The following AHCYL1 variants were observed in gnomAD, a reference collection of about 807,000 sequenced individuals.
The protein encoded by AHCYL1 is S-adenosylhomocysteine hydrolase-like protein 1.
A neutral mutation model predicts 79.3 loss-of-function variants in AHCYL1; 20 were observed. The ratio of observed to expected loss-of-function variants is 0.25; its 90% confidence interval spans 0.18 to 0.37. The LOEUF is 0.37. Ranked by LOEUF, AHCYL1 falls within the 10% of genes least tolerant of loss-of-function variation. AHCYL1 has a pLI of 1.00. For synonymous variants in AHCYL1, 223 were observed against 242.2 expected (o/e 0.92, Z 0.74); for missense variants, 330 against 673.6 (o/e 0.49, Z 5.65).
At chr1:109,995,207 T>C (rs575924993) in intron 1 of AHCYL1, among the ~76,000 whole-genome samples, 2 of 152,312 alleles carry the variant, frequency 1.3e-5, no homozygotes, top group South Asian at 4.1e-4. Flanking sequence ...CTACCTAGTT[T>C]ATAATTAGGA....
At position 110,023,402 on chromosome 1, in the gene AHCYL1, A is replaced by G. The variant is rs542943252; in HGVS notation, c.*1722A>G. 1 of 152,746 alleles carries G rather than the reference A, an allele frequency of 6.5e-6. No homozygotes were observed. The highest frequency in any genetic ancestry group is 1.9e-4 in the East Asian group (1 of 5,182). 9.5% of individuals were successfully genotyped at this position (152,746 alleles called of 1,614,324 possible). On this transcript the variant is annotated 3_prime_UTR_variant, in exon 17 of 17. Transcript: ENST00000369799. ...TCGGGCACTTAACCAACCAATCAGA[A>G]CACCACATCTGTTAGGGGAGGTAAC...
chr1:109,997,884 T>C (rs1325952526), intron 1 of AHCYL1, among the ~76,000 whole-genome samples: 1 of 152,196 alleles, frequency 6.6e-6, no homozygotes, highest in Non-Finnish European at 1.5e-5. Context: ...AGGGAAACTT[T>C]CCATATGCAC....
intron 13 of AHCYL1, 71 bp downstream of exon 13, chr1:110,018,721 G>A (rs1279615408): frequency 2.3e-6 from 3 of 1,296,564 alleles, no homozygotes; most frequent in Non-Finnish European, 3.3e-6. Context: ...GGGAGGGGAG[G>A]GAAACAAATA....
rs1188414218 is a variant in AHCYL1 at position 110,017,664 on chromosome 1, AT to A, written c.1052+86del. 1.9e-5 allele frequency: 28 copies of A among 1,450,384 alleles called. No homozygotes were observed. In the East Asian group the frequency reaches 6.1e-4, roughly 32 times the overall value. The allele number at this position is 1,450,384 out of a possible 1,614,324, so 89.8% of individuals were successfully genotyped here. A position where few individuals can be genotyped will look rare whatever the true frequency, so the allele number is the denominator to read the frequency against. ...GAGTTCATAATTGAGTATATTAATC[AT>A]TTTTGCAGAAATCACCTAGGGGAAG... On this transcript the variant is annotated intron_variant, in intron 10 of 16. Transcript: ENST00000369799.
intron 1 of AHCYL1, among the ~76,000 whole-genome samples, chr1:109,990,213 A>G (rs770223180): frequency 5.3e-5 from 8 of 152,250 alleles, no homozygotes; most frequent in Non-Finnish European, 8.8e-5. Flanking sequence ...AGTCTCTACC[A>G]TCTAATAGTT....
At chr1:110,020,093 C>T (rs1029919685) in intron 15 of AHCYL1, among the ~76,000 whole-genome samples, 4 of 152,166 alleles carry the variant, frequency 2.6e-5, no homozygotes, top group Non-Finnish European at 2.9e-5. Flanking sequence ...CCTTTCTGCA[C>T]GGTGTACCCA....
At chr1:110,006,134 C>T (rs943771077) in intron 1 of AHCYL1, among the ~76,000 whole-genome samples, 17 of 152,218 alleles carry the variant, frequency 1.1e-4, no homozygotes, top group African/African-American at 3.4e-4. Flanking sequence ...ATCTGACCTT[C>T]TAGCCTTTCA....
At chr1:110,007,716 C>G (rs184143902) in intron 1 of AHCYL1, among the ~76,000 whole-genome samples, 6 of 152,278 alleles carry the variant, frequency 3.9e-5, no homozygotes, top group African/African-American at 1.4e-4. Flanking sequence ...AAAGACTTAG[C>G]TTAATGGATT....
chr1:110,017,355 G>T lies in AHCYL1; in HGVS notation c.964-140G>T, dbSNP rs1402669247. On this transcript the variant is annotated intron_variant, in intron 9 of 16. Transcript: ENST00000369799. ...TCTGGGTCTGTTTCTGTTCTGCTTGGGATTGGAGCGTCTGTGCAGCTGCTC... is the reference window on the plus strand; with the variant it reads ...TCTGGGTCTGTTTCTGTTCTGCTTGTGATTGGAGCGTCTGTGCAGCTGCTC... 4 of 677,422 alleles carry T rather than the reference G, an allele frequency of 5.9e-6. No homozygotes were observed. The Admixed American group carries it at 1.1e-4, about 18-fold the overall frequency. 42.0% of individuals were successfully genotyped at this position (677,422 alleles called of 1,614,324 possible). A position where few individuals can be genotyped will look rare whatever the true frequency, so the allele number is the denominator to read the frequency against.
rs367740941 is a variant in AHCYL1 at position 110,013,828 on chromosome 1, T to G, written c.580+829T>G. On this transcript the variant is annotated intron_variant, in intron 5 of 16. Transcript: ENST00000369799. ...TTTTTTTTTTTTTCTTAAGATGGAG[T>G]CTTACTCTGTTGCCCAGGCTGGAGT... Among the ~76,000 whole-genome samples, 32 of 143,722 alleles carry G rather than the reference T, an allele frequency of 2.2e-4. No individual in the cohort carries two copies. In the East Asian group the frequency reaches 4.8e-3, roughly 21 times the overall value. The allele number at this position is 143,722 out of a possible 152,430, so 94.3% of individuals were successfully genotyped here. A position where few individuals can be genotyped will look rare whatever the true frequency, so the allele number is the denominator to read the frequency against.
Position 110,011,391 on chromosome 1 carries a change from CA to C in AHCYL1, c.376+36del, listed in dbSNP as rs766348404. On this transcript the variant is annotated intron_variant, in intron 3 of 16. Coordinates refer to ENST00000369799, the MANE Select transcript of AHCYL1 (RefSeq NM_006621.7). ...AGGGAGTGGGTTAGGGGACCAGAAA[CA>C]ACCCTCTTGTTGGCCATCAGAATCC... The C allele has an allele frequency of 3.5e-4, 555 of 1,608,318 alleles. 3 individuals carry two copies. Among genetic ancestry groups the C allele is most frequent in the Non-Finnish European group, 5.3e-5 (63 of 1,177,600 alleles).
At chr1:109,986,087 C>G (rs1482239328) in intron 1 of AHCYL1, among the ~76,000 whole-genome samples, 2 of 152,226 alleles carry the variant, frequency 1.3e-5, no homozygotes. Flanking sequence ...ATTTTCCATA[C>G]ACCTGGCACC....
chr1:109,985,265 G>C (rs929669589), intron 1 of AHCYL1, 93 bp downstream of exon 1: 89 of 1,473,694 alleles, frequency 6.0e-5, no homozygotes, highest in Non-Finnish European at 7.9e-5. Context: ...TGGGACTTCT[G>C]GGGGTGACTG....
At chr1:109,985,728 C>A (rs1385736645) in intron 1 of AHCYL1, among the ~76,000 whole-genome samples, 1 of 152,166 alleles carries the variant, frequency 6.6e-6, no homozygotes, top group Non-Finnish European at 1.5e-5. Flanking sequence ...CTACAGCATT[C>A]CAATTACTTC....
rs570343784 is a variant in AHCYL1, at chr1:110,022,976, C to A, written c.*1296C>A. The A allele has an allele frequency of 6.6e-6, 1 of 152,652 alleles. No individual in the cohort carries two copies. Among genetic ancestry groups the A allele is most frequent in the African/African-American group, 2.4e-5 (1 of 41,442 alleles). The allele number at this position is 152,652 out of a possible 1,614,324, so 9.5% of individuals were successfully genotyped here. ...CTCTGAAAGAATATCCAGAGAGGCT[C>A]TCTCAAAGATCAGGGAGATGTATTC... On this transcript the variant is annotated 3_prime_UTR_variant, in exon 17 of 17. Transcript: ENST00000369799.
At chr1:110,007,530 T>C (rs1346580168) in intron 1 of AHCYL1, among the ~76,000 whole-genome samples, 4 of 152,216 alleles carry the variant, frequency 2.6e-5, no homozygotes, top group African/African-American at 9.6e-5. Flanking sequence ...ATTGCTGCAC[T>C]GCAATCTGGT....
Position 110,009,117 on chromosome 1 carries a change from A to G in AHCYL1, c.204A>G (p.Ser68=). 1 of 1,613,644 alleles carries G rather than the reference A, an allele frequency of 6.2e-7. No individual in the cohort carries two copies. The highest frequency in any genetic ancestry group is 8.5e-7 in the Non-Finnish European group (1 of 1,179,626). The change falls in exon 2 of 17, where the codon TCA becomes TCG. Residue 68 remains serine, a synonymous_variant. Transcript: ENST00000369799. ...TGRRSLSRSI[S]QSSTDSYSSA... ...GAAGATCTTTGTCTCGCTCGATCTC[A>G]CAGTCCTCCACTGACAGCTACAGTT...
At chr1:110,003,947 T>C (rs1650479281) in intron 1 of AHCYL1, 3 of 985,408 alleles carry the variant, frequency 3.0e-6, no homozygotes, top group Non-Finnish European at 3.6e-6. Context: ...GTGAAGTGTT[T>C]AGTCTTACAG....
chr1:110,009,238 A>G, intron 2 of AHCYL1, 93 bp downstream of exon 2: 1 of 1,095,322 alleles, frequency 9.1e-7, no homozygotes, highest in Non-Finnish European at 1.3e-6. Flanking sequence ...ACCTCATGTT[A>G]TGACTGCCCA....
Sources: allele counts gnomAD v4.1 joint callset (sites outside exome capture counted in the v4.1 genomes callset), GRCh38; gene constraint gnomAD v4.1.1; transcripts MANE v1.5; gene names NCBI Gene and HGNC (gene_info 2026-07-23, HGNC 2026-07-21).